Variants in ERC1 observed in about 807,000 individuals in gnomAD.
ERC1 encodes ELKS/RAB6-interacting/CAST family member 1.
ERC1 carries 56 observed loss-of-function variants against 132.0 expected under a neutral mutation model. The ratio of observed to expected loss-of-function variants is 0.42; its 90% confidence interval spans 0.34 to 0.53. The LOEUF (loss-of-function observed/expected upper bound fraction) is 0.53, where lower values mean the gene tolerates loss of function less well. Among genes scored for constraint, ERC1 ranks in the 20% least tolerant of loss-of-function variants. ERC1 has a pLI of 0.03. For missense variants in ERC1, 1,202 were observed against 1,349.9 expected (o/e 0.89, Z 1.72); for synonymous variants, 478 against 476.1 (o/e 1.00, Z -0.05).
At chr12:1,178,135 A>G (rs1953950284) in intron 8 of ERC1, among the ~76,000 whole-genome samples, 1 of 152,166 alleles carries the variant, frequency 6.6e-6, no homozygotes, top group African/African-American at 2.4e-5. Flanking sequence ...TTCTAAACTT[A>G]CCAAATCTCT....
chr12:1,287,543 G>C (rs768991796), intron 14 of ERC1, among the ~76,000 whole-genome samples: 1 of 152,222 alleles, frequency 6.6e-6, no homozygotes, highest in Non-Finnish European at 1.5e-5. Flanking sequence ...TTAAAGGCCT[G>C]AGTAGAACAA....
intron 11 of ERC1, among the ~76,000 whole-genome samples, chr12:1,188,376 T>C (rs1418220600): frequency 6.6e-6 from 1 of 151,174 alleles, no homozygotes; most frequent in Non-Finnish European, 1.5e-5. Context: ...CTATTAGATA[T>C]ATTTATAGCC....
At chr12:1,459,166 A>G (rs1046435516) in intron 18 of ERC1, among the ~76,000 whole-genome samples, 16 of 152,242 alleles carry the variant, frequency 1.1e-4, no homozygotes, top group African/African-American at 3.4e-4. Context: ...TTTATTTCCT[A>G]TATCAAATAA....
chr12:1,228,284 C>G (rs1352172723), intron 12 of ERC1, among the ~76,000 whole-genome samples: 1 of 83,334 alleles, frequency 1.2e-5, no homozygotes, highest in East Asian at 2.6e-4. Context: ...GATTATCTTT[C>G]CATTTGTATG....
chr12:999,923 A>G (rs1017766042), intron 1 of ERC1, among the ~76,000 whole-genome samples: 8 of 152,000 alleles, frequency 5.3e-5, no homozygotes, highest in East Asian at 3.9e-4. Context: ...ATTCCTTCCA[A>G]TCTTGAGATA....
At chr12:1,220,673 A>G (rs1206610758) in intron 12 of ERC1, among the ~76,000 whole-genome samples, 2 of 152,232 alleles carry the variant, frequency 1.3e-5, no homozygotes, top group Non-Finnish European at 2.9e-5. Context: ...TAAAACCTGC[A>G]AGCTAAGAAT....
At chr12:1,418,546 T>G (rs1201168448) in intron 17 of ERC1, among the ~76,000 whole-genome samples, 5 of 152,198 alleles carry the variant, frequency 3.3e-5, no homozygotes, top group African/African-American at 1.2e-4. Context: ...ACAGATTTCC[T>G]TCTTTTCTGA....
intron 16 of ERC1, chr12:1,386,615 T>G (rs1566739268): frequency 4.0e-5 from 5 of 124,326 alleles, no homozygotes; most frequent in Non-Finnish European, 3.1e-5. Context: ...ACCACTGCAC[T>G]CCATCCAGCC....
chr12:1,455,512 C>T lies in ERC1; in HGVS notation c.3213+10762C>T, dbSNP rs1035147453. Among the ~76,000 whole-genome samples, 5 of 152,158 alleles carry T rather than the reference C, an allele frequency of 3.3e-5. No individual in the cohort carries two copies. In the South Asian group the frequency reaches 8.3e-4, roughly 25 times the overall value. ...TTCCAGGTCCAGGGGTTCTGCACTG[C>T]GCTTAGAATTTCTCCTCATGTATAA... On this transcript the variant is annotated intron_variant, in intron 18 of 18. Coordinates refer to ENST00000360905, the MANE Select transcript of ERC1 (RefSeq NM_178040.4).
intron 15 of ERC1, among the ~76,000 whole-genome samples, chr12:1,360,191 A>C (rs1391874499): frequency 6.6e-6 from 1 of 152,184 alleles, no homozygotes; most frequent in Non-Finnish European, 1.5e-5. Flanking sequence ...CTGTTTTACT[A>C]TTGACAGACA....
intron 2 of ERC1, among the ~76,000 whole-genome samples, chr12:1,053,980 T>C (rs1592974331): frequency 6.6e-6 from 1 of 152,306 alleles, no homozygotes; most frequent in South Asian, 2.1e-4. Context: ...TCTGTGCTTA[T>C]CTTTCAAGTG....
At chr12:1,398,327 T>G (rs1486211035) in intron 16 of ERC1, among the ~76,000 whole-genome samples, 1 of 152,124 alleles carries the variant, frequency 6.6e-6, no homozygotes, top group Non-Finnish European at 1.5e-5. Flanking sequence ...TTGATAGTAA[T>G]TGTATTGGTT....
chr12:1,125,829 C>CA (rs1209772649), intron 7 of ERC1, among the ~76,000 whole-genome samples: 7 of 151,946 alleles, frequency 4.6e-5, no homozygotes, highest in African/African-American at 1.2e-4. Flanking sequence ...ACAAAACAAA[C>CA]AAAAAAAACA....
chr12:1,463,393 C>A (rs998867042), intron 18 of ERC1, among the ~76,000 whole-genome samples: 4 of 152,152 alleles, frequency 2.6e-5, no homozygotes, highest in Non-Finnish European at 5.9e-5. Context: ...GCCTGAGGGG[C>A]AGCAGGGAGA....
At chr12:1,293,483 G>T (rs188285773) in intron 15 of ERC1, among the ~76,000 whole-genome samples, 1,405 of 120,994 alleles carry the variant, frequency 0.012, 172 homozygotes, top group African/African-American at 0.04. Flanking sequence ...ACAACAATTA[G>T]CCAGGCGTGG....
At chr12:1,301,253 C>T (rs182689457) in intron 15 of ERC1, among the ~76,000 whole-genome samples, 12 of 152,234 alleles carry the variant, frequency 7.9e-5, no homozygotes, top group African/African-American at 2.6e-4. Flanking sequence ...ATATAGTACT[C>T]AGTTGATGGG....
chr12:1,049,593 A>G (rs753668277), intron 2 of ERC1, among the ~76,000 whole-genome samples: 1 of 152,118 alleles, frequency 6.6e-6, no homozygotes, highest in Non-Finnish European at 1.5e-5. Context: ...GTGAACTGAA[A>G]TGTATTTGCC....
chr12:1,021,438 G>A (rs1966352331), intron 1 of ERC1, among the ~76,000 whole-genome samples: 1 of 151,990 alleles, frequency 6.6e-6, no homozygotes, highest in Non-Finnish European at 1.5e-5. Context: ...GCCGGGCGCG[G>A]TGGCTCATGC....
intron 9 of ERC1, among the ~76,000 whole-genome samples, chr12:1,181,295 A>G (rs75529875): frequency 7.8e-4 from 119 of 152,310 alleles, no homozygotes; most frequent in Middle Eastern, 6.8e-3. Context: ...TGAATAATAT[A>G]TAGAGAAGAA....
Sources: allele counts gnomAD v4.1 joint callset (sites outside exome capture counted in the v4.1 genomes callset), GRCh38; gene constraint gnomAD v4.1.1; transcripts MANE v1.5; gene names NCBI Gene and HGNC (gene_info 2026-07-23, HGNC 2026-07-21).